Variants in GPHN observed in about 807,000 individuals in gnomAD.
The protein encoded by GPHN is gephyrin.
GPHN carries 17 observed loss-of-function variants against 95.5 expected under a neutral mutation model. The observed-to-expected ratio is 0.18, with a 90% CI of 0.12 to 0.27. GPHN has a LOEUF of 0.27. GPHN is among the 10% of genes least tolerant of loss of function. The pLI is 1.00. For synonymous variants in GPHN, 320 were observed against 322.5 expected, an observed-to-expected ratio of 0.99 and a Z score of 0.08; for missense variants, 660 against 978.1, an observed-to-expected ratio of 0.67 and a Z score of 4.34.
chr14:66,547,543 T>G (rs891410470), intron 1 of GPHN, among the ~76,000 whole-genome samples: 1 of 152,230 alleles, frequency 6.6e-6, no homozygotes, highest in Non-Finnish European at 1.5e-5. Context: ...TGAAAAAGTA[T>G]AGCCCTTTAG....
At chr14:66,888,809 A>G (rs983303972) in intron 5 of GPHN, among the ~76,000 whole-genome samples, 2 of 152,114 alleles carry the variant, frequency 1.3e-5, no homozygotes, top group Non-Finnish European at 2.9e-5. Context: ...ATAGGAAAGC[A>G]TGATCCAGCT....
At chr14:67,265,259 T>C in the GPHN span, among the ~76,000 whole-genome samples, 1 of 152,174 alleles carries the variant, frequency 6.6e-6, no homozygotes, top group Non-Finnish European at 1.5e-5. Context: ...GGTGTTCTAC[T>C]AAACAGTAAA....
At chr14:67,260,760 A>G in the GPHN span, among the ~76,000 whole-genome samples, 1 of 152,226 alleles carries the variant, frequency 6.6e-6, no homozygotes, top group African/African-American at 2.4e-5. Flanking sequence ...AATAAGTGCT[A>G]TAAGAGTTGA....
At chr14:66,978,919 C>A (rs1044434666) in intron 9 of GPHN, among the ~76,000 whole-genome samples, 1 of 152,128 alleles carries the variant, frequency 6.6e-6, no homozygotes, top group African/African-American at 2.4e-5. Flanking sequence ...GTTGTATTAG[C>A]AGGCATGAAA....
At chr14:67,030,200 A>G (rs1455232824) in intron 10 of GPHN, among the ~76,000 whole-genome samples, 1 of 152,046 alleles carries the variant, frequency 6.6e-6, no homozygotes, top group Admixed American at 6.6e-5. Flanking sequence ...CTTAAATATT[A>G]CACAAGTATC....
Position 66,612,839 on chromosome 14 carries a change from G to A in GPHN, c.65-68268G>A, listed in dbSNP as rs1189620228. 2.0e-5 allele frequency among the ~76,000 whole-genome samples: 3 copies of A among 151,978 alleles called. No homozygotes were observed. In the East Asian group the frequency reaches 5.8e-4, roughly 29 times the overall value. ...GTGTAAGTCTTCTTTTGCTCAACAT[G>A]TTTCTGAGATTTATCTCTTATTATT... On this transcript the variant is annotated intron_variant, in intron 1 of 22. Coordinates refer to ENST00000478722, the MANE Select transcript of GPHN (RefSeq NM_020806.5).
At chr14:67,473,467 G>C in the GPHN span, 1 of 1,614,184 alleles carries the variant, frequency 6.2e-7, no homozygotes, top group Non-Finnish European at 8.5e-7. The surrounding 1 kb of genome is among the most constrained non-coding windows in gnomAD (Gnocchi z 6.5). Context: ...GCGCCGCTGG[G>C]CTCCCCGGGC....
chr14:67,546,795 C>T, the GPHN span, among the ~76,000 whole-genome samples: 2 of 152,156 alleles, frequency 1.3e-5, no homozygotes, highest in Non-Finnish European at 2.9e-5. Flanking sequence ...GAGCCAAGGA[C>T]TTTGAGGCTG....
At chr14:66,858,113 G>A (rs1179877326) in intron 4 of GPHN, among the ~76,000 whole-genome samples, 1 of 152,052 alleles carries the variant, frequency 6.6e-6, no homozygotes, top group African/African-American at 2.4e-5. Flanking sequence ...TACAATTCTT[G>A]GGCAAGTCCT....
At chr14:66,991,184 A>C (rs2071395904) in intron 9 of GPHN, among the ~76,000 whole-genome samples, 1 of 152,078 alleles carries the variant, frequency 6.6e-6, no homozygotes, top group Admixed American at 6.6e-5. Flanking sequence ...CTTTTTCTCT[A>C]TATCATTCAA....
At chr14:67,057,754 C>T (rs1468238374) in intron 10 of GPHN, among the ~76,000 whole-genome samples, 1 of 151,926 alleles carries the variant, frequency 6.6e-6, no homozygotes, top group Non-Finnish European at 1.5e-5. Context: ...TGGACTGTTA[C>T]ATTCTTCATG....
At chr14:66,957,031 G>A (rs980270455) in intron 8 of GPHN, among the ~76,000 whole-genome samples, 9 of 148,042 alleles carry the variant, frequency 6.1e-5, no homozygotes, top group African/African-American at 9.9e-5. Context: ...GAGATAGAGG[G>A]TGCAGCGCAC....
intron 1 of GPHN, among the ~76,000 whole-genome samples, chr14:66,623,012 T>C (rs2063370548): frequency 6.6e-6 from 1 of 152,206 alleles, no homozygotes; most frequent in Non-Finnish European, 1.5e-5. Flanking sequence ...TTAATCCATT[T>C]TCATGCTGCT....
chr14:67,108,712 G>GGGGGGTGT (rs5809330), intron 13 of GPHN, among the ~76,000 whole-genome samples: 2 of 131,142 alleles, frequency 1.5e-5, no homozygotes, highest in African/African-American at 5.8e-5. Context: ...TTCCCTAAGG[G>GGGGGGTGT]GTGTGTGTGT....
rs758501355 is a variant in GPHN at position 66,508,598 on chromosome 14, G to A, written c.64+7G>A. The A allele has an allele frequency of 5.0e-6, 8 of 1,610,206 alleles. No individual in the cohort carries two copies. In the East Asian group the frequency reaches 1.3e-4, roughly 27 times the overall value. ...CGTGTCGGAGTCCTTACAGGTAACC[G>A]GGGGAGGAGGTCTGGGACCTATGAG... is the stretch of plus-strand genomic sequence containing the variant. On this transcript the variant is annotated splice_region_variant and intron_variant, in intron 1 of 22. Coordinates refer to ENST00000478722, the MANE Select transcript of GPHN (RefSeq NM_020806.5).
chr14:67,686,910 G>C, the GPHN span, among the ~76,000 whole-genome samples: 6 of 152,170 alleles, frequency 3.9e-5, no homozygotes, highest in Non-Finnish European at 8.8e-5. Context: ...TGGACTGACA[G>C]CTGCAGACAC....
chr14:66,923,058 A>T (rs1403072438), intron 7 of GPHN, 120 bp downstream of exon 7: 1 of 830,778 alleles, frequency 1.2e-6, no homozygotes, highest in Non-Finnish European at 2.0e-6. Flanking sequence ...CCCTAAAAAA[A>T]TAAGTGGGAT....
chr14:67,574,193 C>G, the GPHN span: 4 of 1,509,496 alleles, frequency 2.6e-6, no homozygotes, highest in East Asian at 9.4e-5. This position sits in a 1 kb window ranked among gnomAD's most constrained non-coding sequence, Gnocchi z 4.2. Context: ...GTCCTGGTTA[C>G]TCCATTCTCC....
the GPHN span, among the ~76,000 whole-genome samples, chr14:67,716,938 C>A: frequency 6.6e-6 from 1 of 151,526 alleles, no homozygotes; most frequent in African/African-American, 2.4e-5. Context: ...AACCTAGATT[C>A]TACATTAACA....
Sources: gnomAD v4.1 joint callset for allele counts (sites outside exome capture counted in the v4.1 genomes callset) on GRCh38, gnomAD v4.1.1 for gene constraint, Gnocchi (gnomAD v3.1) non-coding constraint, MANE v1.5 for transcripts, NCBI Gene and HGNC (gene_info 2026-07-23, HGNC 2026-07-21) for gene names.